The following CDK8 variants were observed in gnomAD, a reference collection of about 807,000 sequenced individuals.
CDK8 encodes cyclin dependent kinase 8, also known as cyclin-dependent kinase 8.
CDK8 carries 29 observed loss-of-function variants against 71.5 expected under a neutral mutation model. The observed-to-expected ratio is 0.41, with a 90% CI of 0.30 to 0.55. The LOEUF is 0.55. Among genes scored for constraint, CDK8 ranks in the 20% least tolerant of loss-of-function variants. The probability of loss-of-function intolerance (pLI) is 0.37; values close to 1 mark genes in which losing one functional copy is unlikely to be tolerated. For missense variants in CDK8, 288 were observed against 572.6 expected, an observed-to-expected ratio of 0.50 and a Z score of 5.07; for synonymous variants, 161 against 192.1, an observed-to-expected ratio of 0.84 and a Z score of 1.34.
At chr13:26,269,097 T>C (rs1183362544) in intron 1 of CDK8, among the ~76,000 whole-genome samples, 2 of 152,238 alleles carry the variant, frequency 1.3e-5, no homozygotes, top group Non-Finnish European at 2.9e-5. Flanking sequence ...CTGTTGCCAG[T>C]AGAATTGCTT....
chr13:26,325,966 TG>T (rs1874999129), intron 1 of CDK8, among the ~76,000 whole-genome samples: 1 of 152,206 alleles, frequency 6.6e-6, no homozygotes, highest in African/African-American at 2.4e-5. Context: ...TTGAGTCATC[TG>T]AACGAAAAAT....
chr13:26,405,083 G>C lies in CDK8; in HGVS notation c.*1002G>C. Reference sequence around the variant, plus strand: ...CTTCAGCAAAGGAGAAGGAGTAGGAGAGCCTTAGAATTTTTGAGGAAAAAA... The same window carrying C: ...CTTCAGCAAAGGAGAAGGAGTAGGACAGCCTTAGAATTTTTGAGGAAAAAA... On this transcript the variant is annotated 3_prime_UTR_variant, in exon 13 of 13. Coordinates refer to ENST00000381527, the MANE Select transcript of CDK8 (RefSeq NM_001260.3). 1 of 181,992 alleles carries C rather than the reference G, an allele frequency of 5.5e-6. No homozygotes were observed. The highest frequency in any genetic ancestry group is 1.2e-5 in the Non-Finnish European group (1 of 85,446). The allele number at this position is 181,992 out of a possible 1,614,324, so 11.3% of individuals were successfully genotyped here.
intron 2 of CDK8, among the ~76,000 whole-genome samples, chr13:26,337,954 A>G (rs1873062515): frequency 6.6e-6 from 1 of 152,088 alleles, no homozygotes; most frequent in Admixed American, 6.6e-5. Context: ...AGTCCATAGA[A>G]AATTAATATT....
chr13:26,396,427 A>G (rs543047813), intron 8 of CDK8, 73 bp downstream of exon 8: 11 of 523,760 alleles, frequency 2.1e-5, no homozygotes, highest in African/African-American at 1.6e-4. Flanking sequence ...CTGAATATTC[A>G]ACATAATAAA....
rs765567226 is a variant in CDK8 at position 26,401,278 on chromosome 13, C to T, written c.1041C>T (p.Ala347=). Residue 347 remains alanine (A), a synonymous_variant, in exon 11 of 13, where the codon GCC becomes GCT. Transcript: ENST00000381527. The surrounding 1 kb of genome is among the most constrained non-coding windows in gnomAD (Gnocchi z 4.5). ...EDPLPTSDVF[A]GCQIPYPKRE... is the part of the protein sequence containing the mutation. The stretch of plus-strand genomic sequence containing the variant: ...TTTTTCTTATGATCAGCGTTTTTGC[C>T]GGTTGTCAAATCCCTTACCCAAAAC... The T allele has an allele frequency of 1.8e-5, 29 of 1,613,044 alleles. No individual in the cohort carries two copies. Among genetic ancestry groups the T allele is most frequent in the South Asian group, 6.6e-5 (6 of 90,978 alleles).
intron 2 of CDK8, among the ~76,000 whole-genome samples, chr13:26,348,394 C>T (rs1481150349): frequency 1.3e-5 from 2 of 152,132 alleles, no homozygotes; most frequent in Non-Finnish European, 2.9e-5. Context: ...TGAGCTCTGC[C>T]TCCTGTCAGA....
chr13:26,360,928 CAGA>C lies in CDK8; in HGVS notation c.456+7053_456+7055del, dbSNP rs200943117. Among the ~76,000 whole-genome samples the C allele has an allele frequency of 6.6e-3, 1,001 of 152,276 alleles. 8 individuals carry two copies. The highest frequency in any genetic ancestry group is 0.021 in the African/African-American group (867 of 41,568). On this transcript the variant is annotated intron_variant, in intron 4 of 12. Coordinates refer to ENST00000381527, the MANE Select transcript of CDK8 (RefSeq NM_001260.3). ...TTTCAGCTGCTTCCCTCTTACTACTCAGAAGAACTCAGCTCTTACTAGTCAGTT... is the reference window on the plus strand; with the variant it reads ...TTTCAGCTGCTTCCCTCTTACTACTCAGAACTCAGCTCTTACTAGTCAGTT...
intron 1 of CDK8, among the ~76,000 whole-genome samples, chr13:26,278,675 T>C (rs1252563123): frequency 6.6e-6 from 1 of 152,226 alleles, no homozygotes. Context: ...TTCAAAGATG[T>C]TAAATTATTC....
chr13:26,361,756 T>A (rs73160337), intron 4 of CDK8, among the ~76,000 whole-genome samples: 7,799 of 149,182 alleles, frequency 0.052, 364 homozygotes, highest in African/African-American at 0.11. Flanking sequence ...TTTTAAGTAA[T>A]TTTCTTTTTG....
intron 4 of CDK8, among the ~76,000 whole-genome samples, chr13:26,363,656 A>G (rs974236845): frequency 2.0e-5 from 3 of 152,090 alleles, no homozygotes; most frequent in Non-Finnish European, 4.4e-5. Context: ...AGGCACAAAC[A>G]ACCTTGCCCA....
intron 1 of CDK8, among the ~76,000 whole-genome samples, chr13:26,272,057 C>T (rs1227076039): frequency 6.6e-6 from 1 of 151,672 alleles, no homozygotes; most frequent in African/African-American, 2.4e-5. Flanking sequence ...ACCTTAGCCT[C>T]CTGTAATTGA....
chr13:26,268,413 T>C (rs1193020734), intron 1 of CDK8, among the ~76,000 whole-genome samples: 1 of 152,144 alleles, frequency 6.6e-6, no homozygotes, highest in African/African-American at 2.4e-5. Flanking sequence ...ACTCTTGGGC[T>C]TAACCCATTC....
chr13:26,400,075 ATGAATCAC>A (rs1876182664), intron 9 of CDK8: 1 of 200,598 alleles, frequency 5.0e-6, no homozygotes, highest in Admixed American at 5.5e-5. Flanking sequence ...GGATCTAAAT[ATGAATCAC>A]TGCATGTGTT....
intron 6 of CDK8, among the ~76,000 whole-genome samples, chr13:26,393,116 A>G (rs1364092551): frequency 6.6e-6 from 1 of 152,108 alleles, no homozygotes; most frequent in African/African-American, 2.4e-5. Flanking sequence ...TTTGGGTGGT[A>G]TGGAGGTATA....
Position 26,303,747 on chromosome 13 carries a change from T to TTG in CDK8, c.129-33814_129-33813dup, listed in dbSNP as rs551806415. Among the ~76,000 whole-genome samples the TTG allele has an allele frequency of 2.5e-3, 376 of 152,322 alleles. 1 individual carries two copies. Among genetic ancestry groups the TTG allele is most frequent in the Non-Finnish European group, 4.1e-3 (282 of 68,016 alleles). ...GATATGGCCAATTTTTATAAATGTT[T>TTG]TGTGTGTTTAAAAATCATGTGTACT... On this transcript the variant is annotated intron_variant, in intron 1 of 12. Coordinates refer to ENST00000381527, the MANE Select transcript of CDK8 (RefSeq NM_001260.3).
chr13:26,268,155 G>C (rs1872114466), intron 1 of CDK8, among the ~76,000 whole-genome samples: 1 of 152,034 alleles, frequency 6.6e-6, no homozygotes, highest in South Asian at 2.1e-4. Flanking sequence ...GAAGAAATGG[G>C]AGTAAATATA....
rs769996123 is a variant in CDK8, at chr13:26,349,078, C to A, written c.211C>A (p.Arg71=). Residue 71 remains arginine (R), a synonymous_variant, in exon 3 of 13, where the codon CGA becomes AGA. Coordinates refer to ENST00000381527, the MANE Select transcript of CDK8 (RefSeq NM_001260.3). ...CATCTCCTTTGTTTTGCAGTTACTT[C>A]GAGAGCTTAAGCATCCAAACGTCAT... is the stretch of plus-strand genomic sequence containing the variant. The part of the protein sequence containing the change: ...MSACREIALL[R]ELKHPNVISL... 6.3e-7 allele frequency: 1 copy of A among 1,597,806 alleles called. No individual in the cohort carries two copies. The highest frequency in any genetic ancestry group is 8.6e-7 in the Non-Finnish European group (1 of 1,165,768).
intron 4 of CDK8, among the ~76,000 whole-genome samples, chr13:26,373,733 CA>C (rs1444905385): frequency 6.6e-6 from 1 of 151,744 alleles, no homozygotes; most frequent in East Asian, 1.9e-4. Context: ...AATATATCAA[CA>C]AAAAAATTTA....
At chr13:26,345,357 A>G (rs1003671046) in intron 2 of CDK8, among the ~76,000 whole-genome samples, 2 of 151,962 alleles carry the variant, frequency 1.3e-5, no homozygotes, top group African/African-American at 4.8e-5. Context: ...ATTTTTTTTA[A>G]TTGATATTTA....
Sources: allele counts gnomAD v4.1 joint callset (sites outside exome capture counted in the v4.1 genomes callset), GRCh38; gene constraint gnomAD v4.1.1; non-coding constraint Gnocchi (gnomAD v3.1); transcripts MANE v1.5; gene names NCBI Gene and HGNC (gene_info 2026-07-23, HGNC 2026-07-21).